ASB15: variants seen among roughly 807,000 people sequenced by gnomAD.
ASB15 encodes ankyrin repeat and SOCS box containing 15.
A neutral mutation model predicts 58.0 loss-of-function variants in ASB15; 54 were observed. The observed-to-expected ratio is 0.93, with a 90% CI of 0.75 to 1.17. ASB15 has a LOEUF of 1.17. ASB15 is among the 50% of genes most tolerant of loss of function. The pLI is 0.00. For missense variants in ASB15, 680 were observed against 707.4 expected, an observed-to-expected ratio of 0.96 and a Z score of 0.44; for synonymous variants, 249 against 262.4, an observed-to-expected ratio of 0.95 and a Z score of 0.50.
At chr7:123,567,533 C>T (rs892431363) in intron 1 of ASB15, among the ~76,000 whole-genome samples, 6 of 152,178 alleles carry the variant, frequency 3.9e-5, no homozygotes, top group African/African-American at 1.4e-4. Context: ...GATGCAAGCT[C>T]TTTTGTGAGG....
intron 8 of ASB15, among the ~76,000 whole-genome samples, chr7:123,626,208 G>A (rs953046591): frequency 6.6e-6 from 1 of 152,198 alleles, no homozygotes; most frequent in African/African-American, 2.4e-5. Flanking sequence ...TATTTGTTAA[G>A]TTAAAATAGA....
At chr7:123,634,032 T>C (rs1254521019) in intron 11 of ASB15, among the ~76,000 whole-genome samples, 3 of 152,200 alleles carry the variant, frequency 2.0e-5, no homozygotes, top group Non-Finnish European at 1.5e-5. Flanking sequence ...TTTTTTCTGT[T>C]TTTTTTCCTT....
At chr7:123,590,822 C>T (rs1799516375) in intron 1 of ASB15, among the ~76,000 whole-genome samples, 1 of 152,068 alleles carries the variant, frequency 6.6e-6, no homozygotes, top group Admixed American at 6.6e-5. Context: ...GTAGTTTTTT[C>T]CAATTCTGTG....
At chr7:123,634,149 G>T (rs562244379) in intron 11 of ASB15, among the ~76,000 whole-genome samples, 77 of 152,066 alleles carry the variant, frequency 5.1e-4, no homozygotes, top group African/African-American at 1.7e-3. Context: ...CATCACCTAG[G>T]TATTAAGTCC....
intron 7 of ASB15, among the ~76,000 whole-genome samples, chr7:123,624,102 G>A (rs1584803923): frequency 6.6e-6 from 1 of 152,206 alleles, no homozygotes; most frequent in Non-Finnish European, 1.5e-5. Context: ...GAAACCTGAT[G>A]AACATGATTT....
chr7:123,576,452 C>G (rs1799068268), intron 1 of ASB15, among the ~76,000 whole-genome samples: 2 of 151,922 alleles, frequency 1.3e-5, no homozygotes, highest in South Asian at 4.2e-4. Flanking sequence ...TTGCTTTTTT[C>G]TATATTTTTC....
chr7:123,606,419 G>A (rs1161467352), intron 2 of ASB15, among the ~76,000 whole-genome samples: 2 of 152,170 alleles, frequency 1.3e-5, no homozygotes, highest in Non-Finnish European at 1.5e-5. Flanking sequence ...ATTTTCCTGA[G>A]AGGGCTTTGT....
chr7:123,598,152 T>A (rs1799759107), upstream of ASB15, among the ~76,000 whole-genome samples: 1 of 152,090 alleles, frequency 6.6e-6, no homozygotes, highest in Non-Finnish European at 1.5e-5. Context: ...GAAAACCAAA[T>A]GCAATGGTTT....
intron 1 of ASB15, among the ~76,000 whole-genome samples, chr7:123,588,171 T>C (rs894637563): frequency 1.3e-5 from 2 of 151,852 alleles, no homozygotes; most frequent in African/African-American, 4.8e-5. Context: ...GGGTTTCTCT[T>C]TGTAGGGAGA....
chr7:123,621,648 G>A (rs970108018), intron 7 of ASB15: 27 of 152,128 alleles, frequency 1.8e-4, no homozygotes, highest in Non-Finnish European at 4.4e-5. Flanking sequence ...GATATCCTTA[G>A]AGGGCCAAGA....
chr7:123,627,150 G>A lies in ASB15; in HGVS notation c.738G>A (p.Val246=), dbSNP rs1424783104. 1 of 1,613,840 alleles carries A rather than the reference G, an allele frequency of 6.2e-7. No individual in the cohort carries two copies. The highest frequency in any genetic ancestry group is 8.5e-7 in the Non-Finnish European group (1 of 1,179,938). Residue 246 remains valine (V), a synonymous_variant, in exon 9 of 12, where the codon GTG becomes GTA. Transcript: ENST00000451215. ...VLALADDGAS[V]LFEAAGGGNP... is the part of the protein sequence containing the mutation. ...CTTTGGCGGATGATGGGGCGTCGGT[G>A]CTGTTTGAGGCAGCAGGAGGTGGCA...
chr7:123,598,472 T>C (rs1018762765), upstream of ASB15, among the ~76,000 whole-genome samples: 1 of 152,016 alleles, frequency 6.6e-6, no homozygotes, highest in Non-Finnish European at 1.5e-5. Flanking sequence ...CCTTTCACAA[T>C]AGTGAAAATT....
intron 4 of ASB15, 127 bp downstream of exon 4, chr7:123,614,736 C>T: frequency 1.4e-6 from 1 of 704,356 alleles, no homozygotes; most frequent in Non-Finnish European, 2.5e-6. Flanking sequence ...GATAGGGAAT[C>T]TAACAGCTTT....
intron 3 of ASB15, among the ~76,000 whole-genome samples, chr7:123,613,201 T>C (rs1253587310): frequency 2.6e-5 from 4 of 152,120 alleles, no homozygotes; most frequent in East Asian, 3.9e-4. Context: ...TGTTAGCAGG[T>C]ATAGAGTTTG....
At position 123,630,134 on chromosome 7, in the gene ASB15, T is replaced by C; in HGVS notation, c.1594+15T>C. The C allele has an allele frequency of 6.5e-7, 1 of 1,544,736 alleles. No individual in the cohort carries two copies. On this transcript the variant is annotated intron_variant, in intron 11 of 11. Coordinates refer to ENST00000451215, the MANE Select transcript of ASB15 (RefSeq NM_001290258.2). Reference sequence around the variant, plus strand: ...CCAAATACTAGGTAAAAACCAAAAGTTTTGCCTACAATTTTTAAATTAAGA... The same window carrying C: ...CCAAATACTAGGTAAAAACCAAAAGCTTTGCCTACAATTTTTAAATTAAGA...
At chr7:123,620,532 ATATATATATATATATATATATATTTTTTT>A (rs1562933274) in intron 7 of ASB15, among the ~76,000 whole-genome samples, 22 of 16,130 alleles carry the variant, frequency 1.4e-3, no homozygotes, top group Admixed American at 2.4e-3. Context: ...ATATATATAT[ATATATATATATATATATATATATTTTTTT>A]TTTTTTTTTT....
At chr7:123,632,046 C>T (rs868692066) in intron 11 of ASB15, among the ~76,000 whole-genome samples, 99 of 152,008 alleles carry the variant, frequency 6.5e-4, no homozygotes, top group South Asian at 1.7e-3. Context: ...CCACTGCACT[C>T]CAGCCTGGGC....
At chr7:123,621,162 T>C (rs937964708) in intron 7 of ASB15, among the ~76,000 whole-genome samples, 2 of 152,212 alleles carry the variant, frequency 1.3e-5, no homozygotes, top group Admixed American at 1.3e-4. Context: ...CATTTCAAAG[T>C]TCCATGTTGG....
chr7:123,606,264 C>T (rs981782263), intron 2 of ASB15, among the ~76,000 whole-genome samples: 6 of 152,146 alleles, frequency 3.9e-5, no homozygotes, highest in Non-Finnish European at 7.4e-5. Flanking sequence ...ATGAATTGCT[C>T]TTTCAAATTT....
Sources: gnomAD v4.1 joint callset for allele counts (sites outside exome capture counted in the v4.1 genomes callset) on GRCh38, gnomAD v4.1.1 for gene constraint, MANE v1.5 for transcripts, NCBI Gene and HGNC (gene_info 2026-07-23, HGNC 2026-07-21) for gene names.